Variants in PCDHGA10 observed in about 807,000 individuals in gnomAD.
PCDHGA10 encodes the protein protocadherin gamma subfamily A, 10.
Under a neutral mutation model 59.5 loss-of-function variants are expected in PCDHGA10, and 42 were observed. The ratio of observed to expected loss-of-function variants is 0.71; its 90% CI spans 0.55 to 0.91. The LOEUF (loss-of-function observed/expected upper bound fraction) is 0.91. Ranked by LOEUF, PCDHGA10 falls within the 40% of genes least tolerant of loss-of-function variation. PCDHGA10 has a pLI of 0.00. For synonymous variants in PCDHGA10, 511 were observed against 517.2 expected, an observed-to-expected ratio of 0.99 and a Z score of 0.16; for missense variants, 1,111 against 1,198.2, an observed-to-expected ratio of 0.93 and a Z score of 1.07.
rs576937130 is a variant in PCDHGA10 at position 141,427,508 on chromosome 5, G to A, written c.2436+11897G>A. ...ATAAGCTTGTAACAGATGGGACCCT[G>A]GATTGGGAGCGGATCCCGGAGTACA... On this transcript the variant is annotated intron_variant, in intron 1 of 3. Transcript: ENST00000398610. 9.9e-4 allele frequency: 584 copies of A among 587,058 alleles called. 6 individuals carry two copies. The highest frequency in any genetic ancestry group is 3.0e-4 in the Non-Finnish European group (94 of 311,294). The allele number at this position is 587,058 out of a possible 1,614,324, so 36.4% of individuals were successfully genotyped here.
chr5:141,455,400 C>G (rs537466326), intron 1 of PCDHGA10, among the ~76,000 whole-genome samples: 8 of 152,274 alleles, frequency 5.3e-5, no homozygotes, highest in Admixed American at 5.2e-4. Context: ...CTCCCCCTTA[C>G]AGAGACAGAG....
At position 141,431,316 on chromosome 5, in the gene PCDHGA10, C is replaced by T; in HGVS notation, c.2436+15705C>T. 6.2e-7 allele frequency: 1 copy of T among 1,614,104 alleles called. No individual in the cohort carries two copies. The highest frequency in any genetic ancestry group is 8.5e-7 in the Non-Finnish European group (1 of 1,180,046). The stretch of plus-strand genomic sequence containing the variant: ...TTCTCCCTCATCGTGCAAAATGGAG[C>T]CGACGGTAGTAAGTACCCCGAATTG... On this transcript the variant is annotated intron_variant, in intron 1 of 3. Transcript: ENST00000398610. The surrounding 1 kb of genome is among the most constrained non-coding windows in gnomAD (Gnocchi z 4.8).
chr5:141,433,228 C>G (rs2097577964), intron 1 of PCDHGA10: 7 of 1,522,184 alleles, frequency 4.6e-6, no homozygotes, highest in Non-Finnish European at 5.4e-6. Flanking sequence ...TTTAATTGCT[C>G]TGTCTCCCAA....
chr5:141,427,712 C>T, intron 1 of PCDHGA10: 2 of 1,051,468 alleles, frequency 1.9e-6, no homozygotes, highest in African/African-American at 1.6e-5. Context: ...GCGCCTCTGA[C>T]CTGGACCTAG....
intron 1 of PCDHGA10, chr5:141,419,126 G>A: frequency 6.2e-7 from 1 of 1,613,770 alleles, no homozygotes; most frequent in Non-Finnish European, 8.5e-7. Context: ...CGTCACCATC[G>A]CAGCCACAGA....
intron 1 of PCDHGA10, among the ~76,000 whole-genome samples, chr5:141,451,606 G>C (rs2098720118): frequency 6.6e-6 from 1 of 152,152 alleles, no homozygotes; most frequent in Non-Finnish European, 1.5e-5. Flanking sequence ...ACAAGGCTAG[G>C]CATGGTGGCT....
Position 141,476,024 on chromosome 5 carries a change from C to T in PCDHGA10, c.2437-18783C>T. ...ATCCAGAAAGCCATGTCGGACTCGG[C>T]GCCCAGCGCCCAAGCGCTAACCCGC... On this transcript the variant is annotated intron_variant, in intron 1 of 3. Coordinates refer to ENST00000398610, the MANE Select transcript of PCDHGA10 (RefSeq NM_018913.3). The surrounding 1 kb of genome is among the most constrained non-coding windows in gnomAD (Gnocchi z 7.6). The T allele has an allele frequency of 1.4e-6, 2 of 1,416,548 alleles. No individual in the cohort carries two copies. Among genetic ancestry groups the T allele is most frequent in the Non-Finnish European group, 9.5e-7 (1 of 1,058,066 alleles). 87.7% of individuals were successfully genotyped at this position (1,416,548 alleles called of 1,614,324 possible).
chr5:141,418,244 C>G (rs746986702), intron 1 of PCDHGA10: 1 of 1,613,980 alleles, frequency 6.2e-7, no homozygotes. Flanking sequence ...TGTTAATGAC[C>G]ACGCCCCTCA....
chr5:141,419,494 T>A, intron 1 of PCDHGA10: 1 of 1,612,380 alleles, frequency 6.2e-7, no homozygotes, highest in Non-Finnish European at 8.5e-7. Context: ...TCAGCGCCAA[T>A]GTGAGCCTGC....
At chr5:141,504,529 G>A (rs1333393859) in intron 2 of PCDHGA10, among the ~76,000 whole-genome samples, 1 of 151,900 alleles carries the variant, frequency 6.6e-6, no homozygotes, top group African/African-American at 2.4e-5. Context: ...TATTTTATTC[G>A]TGTCATCATG....
In PCDHGA10 at chr5:141,428,081, C is replaced by A. The variant is rs768842388; in HGVS notation, c.2436+12470C>A. 14 of 1,609,100 alleles carry A rather than the reference C, an allele frequency of 8.7e-6. No individual in the cohort carries two copies. In the African/African-American group the frequency reaches 1.1e-4, roughly 12 times the overall value. ...CGGTGGACGCAGATTCGGGACACAA[C>A]GCTTGGCTGTCCTACCACGTGCTGC... is the stretch of plus-strand genomic sequence containing the variant. On this transcript the variant is annotated intron_variant, in intron 1 of 3. Transcript: ENST00000398610.
rs747283905 is a variant in PCDHGA10, at chr5:141,491,693, G to A, written c.2437-3114G>A. On this transcript the variant is annotated intron_variant, in intron 1 of 3. Transcript: ENST00000398610. The surrounding 1 kb of genome is among the most constrained non-coding windows in gnomAD (Gnocchi z 6.9). ...TCCCGCTCTAATACGCTGCGGGAGC[G>A]GAGCCAGGTGAGGGGCTCGGCGCCG... 3.7e-5 allele frequency: 59 copies of A among 1,612,434 alleles called. No homozygotes were observed. Among genetic ancestry groups the A allele is most frequent in the Non-Finnish European group, 4.7e-5 (55 of 1,179,352 alleles).
chr5:141,483,887 C>G (rs147069309), intron 1 of PCDHGA10, among the ~76,000 whole-genome samples: 13 of 152,036 alleles, frequency 8.6e-5, no homozygotes, highest in Non-Finnish European at 1.2e-4. Context: ...TTTTCTATTT[C>G]TCTGAGCTCT....
At chr5:141,423,982 T>C in intron 1 of PCDHGA10, 3 of 1,106,134 alleles carry the variant, frequency 2.7e-6, no homozygotes, top group Non-Finnish European at 3.4e-6. Flanking sequence ...TGTATGAGGC[T>C]CTCAATTTAT....
chr5:141,429,169 T>TACACACACACACACAC (rs10667977), intron 1 of PCDHGA10: 2 of 145,394 alleles, frequency 1.4e-5, no homozygotes, highest in East Asian at 2.0e-4. Flanking sequence ...ACATTGTTTA[T>TACACACACACACACAC]ACACACACAC....
At chr5:141,505,567 T>A in intron 3 of PCDHGA10, 86 bp downstream of exon 3, 2 of 1,599,440 alleles carry the variant, frequency 1.3e-6, no homozygotes, top group Non-Finnish European at 1.7e-6. Context: ...ACGGACTGGA[T>A]GTCAAACCTG....
rs34752215 is a variant in PCDHGA10 at position 141,427,657 on chromosome 5, A to C, written c.2436+12046A>C. The C allele has an allele frequency of 1.4e-3, 1,030 of 734,210 alleles. 5 individuals carry two copies. Among genetic ancestry groups the C allele is most frequent in the Middle Eastern group, 5.7e-3 (25 of 4,398 alleles). The allele number at this position is 734,210 out of a possible 1,614,324, so 45.5% of individuals were successfully genotyped here. On this transcript the variant is annotated intron_variant, in intron 1 of 3. Coordinates refer to ENST00000398610, the MANE Select transcript of PCDHGA10 (RefSeq NM_018913.3). The stretch of plus-strand genomic sequence containing the variant: ...TTCCACCAAGTCTCCTACGTGGTCC[A>C]CGTGGCCGAAAACAACCTTCCCGGA...
chr5:141,451,812 C>G (rs974567828), intron 1 of PCDHGA10, among the ~76,000 whole-genome samples: 1 of 149,686 alleles, frequency 6.7e-6, no homozygotes, highest in Non-Finnish European at 1.5e-5. Flanking sequence ...ACCCAGGAGG[C>G]GGAGGTTACA....
intron 1 of PCDHGA10, among the ~76,000 whole-genome samples, chr5:141,470,451 T>C (rs2099230860): frequency 6.6e-6 from 1 of 152,210 alleles, no homozygotes; most frequent in Non-Finnish European, 1.5e-5. Context: ...AATAGCATCT[T>C]GAATAGGATT....
Sources: allele counts gnomAD v4.1 joint callset (sites outside exome capture counted in the v4.1 genomes callset), GRCh38; gene constraint gnomAD v4.1.1; non-coding constraint Gnocchi (gnomAD v3.1); transcripts MANE v1.5; gene names NCBI Gene and HGNC (gene_info 2026-07-23, HGNC 2026-07-21).